The following DCX variants were observed in gnomAD, a reference collection of about 807,000 sequenced individuals.
DCX encodes neuronal migration protein doublecortin.
A neutral mutation model predicts 20.9 loss-of-function variants in DCX; 4 were observed. The observed-to-expected ratio is 0.19, with a 90% CI of 0.09 to 0.44. The LOEUF is 0.44. Ranked by LOEUF, DCX falls within the 20% of genes least tolerant of loss-of-function variation. The probability of loss-of-function intolerance (pLI) is 0.99; values close to 1 mark genes in which losing one functional copy is unlikely to be tolerated. For missense variants in DCX, 133 were observed against 296.9 expected, an observed-to-expected ratio of 0.45 and a Z score of 4.06; for synonymous variants, 103 against 111.4, an observed-to-expected ratio of 0.92 and a Z score of 0.47.
intron 3 of DCX, among the ~76,000 whole-genome samples, chrX:111,361,312 T>A (rs1050283981): frequency 8.9e-6 from 1 of 112,003 alleles, no homozygotes; most frequent in African/African-American, 3.2e-5. Context: ...CTTAAAAAAA[T>A]AATAAGGAAC....
At chrX:111,352,196 C>A (rs769154772) in intron 3 of DCX, among the ~76,000 whole-genome samples, 2 of 112,136 alleles carry the variant, frequency 1.8e-5, no homozygotes, top group Admixed American at 9.4e-5. Context: ...ATGCACAGGA[C>A]AGCTCCCTAC....
intron 5 of DCX, among the ~76,000 whole-genome samples, chrX:111,327,099 T>G (rs945136487): frequency 8.9e-5 from 10 of 112,349 alleles, no homozygotes; most frequent in African/African-American, 3.2e-4. Flanking sequence ...GAATTCCTGC[T>G]AAAGAGGAGC....
intron 3 of DCX, among the ~76,000 whole-genome samples, chrX:111,342,773 C>T (rs1488811936): frequency 1.8e-5 from 2 of 110,622 alleles, no homozygotes; most frequent in African/African-American, 6.6e-5. Flanking sequence ...CACTCAAAAC[C>T]ACACAATTAC....
intron 3 of DCX, among the ~76,000 whole-genome samples, chrX:111,350,650 C>T (rs902725738): frequency 2.7e-5 from 3 of 112,003 alleles, no homozygotes; most frequent in Non-Finnish European, 3.8e-5. Flanking sequence ...AGTTCTTCAG[C>T]GATCTCCTGC....
intron 3 of DCX, among the ~76,000 whole-genome samples, chrX:111,376,721 C>A (rs946321909): frequency 2.2e-4 from 25 of 111,735 alleles, no homozygotes; most frequent in Non-Finnish European, 1.1e-4. Flanking sequence ...ATCTGCATTT[C>A]TAACAAATTC....
At chrX:111,385,203 A>G (rs1333783744) in intron 3 of DCX, among the ~76,000 whole-genome samples, 1 of 112,189 alleles carries the variant, frequency 8.9e-6, no homozygotes, top group Non-Finnish European at 1.9e-5. Context: ...TATACATCCT[A>G]TTGGTCCTGT....
At chrX:111,342,969 G>A (rs1922419555) in intron 3 of DCX, among the ~76,000 whole-genome samples, 1 of 110,824 alleles carries the variant, frequency 9.0e-6, no homozygotes, top group South Asian at 3.9e-4. Context: ...AACCTAGAAA[G>A]ATATCAAATT....
At chrX:111,330,347 TG>T (rs1282884737) in intron 5 of DCX, among the ~76,000 whole-genome samples, 1 of 112,396 alleles carries the variant, frequency 8.9e-6, no homozygotes, top group Admixed American at 9.4e-5. Context: ...CAAATCTCTT[TG>T]TTTTCTTTTA....
intron 6 of DCX, 63 bp downstream of exon 6, chrX:111,312,576 A>G: frequency 9.0e-7 from 1 of 1,112,582 alleles, no homozygotes; most frequent in Non-Finnish European, 1.2e-6. Context: ...GGAAGAGAAA[A>G]CCTTCACCAA....
chrX:111,394,709 G>C (rs1346017963), intron 3 of DCX, among the ~76,000 whole-genome samples: 1 of 111,617 alleles, frequency 9.0e-6, no homozygotes, highest in African/African-American at 3.3e-5. Flanking sequence ...AAATAGCAAG[G>C]CATTTAGCAC....
At chrX:111,311,175 T>C (rs1237586646) in intron 6 of DCX, among the ~76,000 whole-genome samples, 2 of 112,340 alleles carry the variant, frequency 1.8e-5, no homozygotes, top group Non-Finnish European at 3.8e-5. Flanking sequence ...AAAAATAATT[T>C]TCATCCATCT....
intron 5 of DCX, among the ~76,000 whole-genome samples, chrX:111,325,204 C>T (rs2095096800): frequency 9.0e-6 from 1 of 111,248 alleles, no homozygotes; most frequent in Non-Finnish European, 1.9e-5. Flanking sequence ...GACACCAACC[C>T]ACCCCTTGCC....
chrX:111,400,428 A>G (rs192363628), intron 3 of DCX, among the ~76,000 whole-genome samples: 135 of 112,029 alleles, frequency 1.2e-3, no homozygotes, highest in Admixed American at 2.6e-3. Flanking sequence ...AGTGGAACCA[A>G]ATTAAGACAG....
At chrX:111,349,166 C>A (rs142881123) in intron 3 of DCX, among the ~76,000 whole-genome samples, 16 of 111,538 alleles carry the variant, frequency 1.4e-4, no homozygotes, top group Non-Finnish European at 7.5e-5. Flanking sequence ...CTATAGATCC[C>A]AAATTAAGAG....
chrX:111,351,421 A>G (rs1014917483), intron 3 of DCX, among the ~76,000 whole-genome samples: 2 of 112,421 alleles, frequency 1.8e-5, no homozygotes, highest in Non-Finnish European at 3.8e-5. Context: ...GAAACAGTAT[A>G]TCTTTTAGAA....
At chrX:111,356,250 T>C (rs889369441) in intron 3 of DCX, among the ~76,000 whole-genome samples, 4 of 112,430 alleles carry the variant, frequency 3.6e-5, no homozygotes, top group African/African-American at 6.5e-5. Context: ...ATACTAGACA[T>C]CTAGGAGTGG....
chrX:111,402,386 G>A (rs7054641), intron 2 of DCX, among the ~76,000 whole-genome samples: 2 of 111,857 alleles, frequency 1.8e-5, no homozygotes, highest in East Asian at 2.8e-4. Flanking sequence ...GAGAATACTG[G>A]AAAAGGTTGA....
intron 3 of DCX, among the ~76,000 whole-genome samples, chrX:111,359,972 TC>T (rs1463698563): frequency 8.9e-6 from 1 of 112,058 alleles, no homozygotes; most frequent in African/African-American, 3.2e-5. Context: ...TACCGTTTGA[TC>T]CAGTAATTCT....
intron 2 of DCX, among the ~76,000 whole-genome samples, chrX:111,403,794 C>T (rs966141220): frequency 1.8e-5 from 2 of 112,090 alleles, no homozygotes; most frequent in Non-Finnish European, 3.8e-5. Context: ...GCCTGTCATC[C>T]TGACACTTTG....
Sources: allele counts gnomAD v4.1 joint callset (sites outside exome capture counted in the v4.1 genomes callset), GRCh38; gene constraint gnomAD v4.1.1; transcripts MANE v1.5; gene names NCBI Gene and HGNC (gene_info 2026-07-23, HGNC 2026-07-21).